Variants in AMPH observed in about 807,000 individuals in gnomAD.
AMPH encodes the protein amphiphysin (Stiff-Mann syndrome with breast cancer 128kD autoantigen).
AMPH carries 49 observed loss-of-function variants against 99.1 expected under a neutral mutation model. That is an observed-to-expected ratio of 0.49 (90% confidence interval 0.39 to 0.63). AMPH has a LOEUF of 0.63. Ranked by LOEUF, AMPH falls within the 20% of genes least tolerant of loss-of-function variation. AMPH has a pLI of 0.00. For missense variants in AMPH, 759 were observed against 863.4 expected (o/e 0.88, Z 1.52); for synonymous variants, 314 against 317.3 (o/e 0.99, Z 0.11).
chr7:38,587,914 C>CTGTGTGTGTGTG (rs200023803), intron 1 of AMPH, among the ~76,000 whole-genome samples: 70 of 126,196 alleles, frequency 5.5e-4, no homozygotes, highest in Admixed American at 1.4e-3. Flanking sequence ...TTATTAATTA[C>CTGTGTGTGTGTG]TGTGTGTGTG....
intron 1 of AMPH, among the ~76,000 whole-genome samples, chr7:38,540,859 G>A (rs1176687235): frequency 1.3e-5 from 2 of 151,556 alleles, no homozygotes; most frequent in Non-Finnish European, 2.9e-5. Flanking sequence ...TGCCTTAGTG[G>A]CATTCATCCA....
At chr7:38,500,565 G>A (rs541671117) in intron 3 of AMPH, among the ~76,000 whole-genome samples, 17 of 152,222 alleles carry the variant, frequency 1.1e-4, no homozygotes, top group Admixed American at 2.0e-4. Flanking sequence ...TAAGCAGCAC[G>A]CTCCACACCA....
chr7:38,452,294 G>A (rs886359559), intron 11 of AMPH, among the ~76,000 whole-genome samples: 22 of 152,222 alleles, frequency 1.4e-4, no homozygotes, highest in Admixed American at 9.2e-4. Context: ...AAATGTAGAC[G>A]GATCATCCTA....
chr7:38,467,322 G>A lies in AMPH; in HGVS notation c.591-1074C>T, dbSNP rs866698148. ...CCTGTATTTGAGGAAGCTAATTAAG[G>A]CAGCAGCTTGACAGGCAAGGAGAGA... On this transcript the variant is annotated intron_variant, in intron 7 of 20. Coordinates refer to ENST00000356264, the MANE Select transcript of AMPH (RefSeq NM_001635.4). Among the ~76,000 whole-genome samples the A allele has an allele frequency of 5.8e-4, 88 of 152,286 alleles. 1 individual carries two copies. Among genetic ancestry groups the A allele is most frequent in the African/African-American group, 2.0e-3 (84 of 41,560 alleles).
chr7:38,413,708 A>G (rs770533989), intron 17 of AMPH, among the ~76,000 whole-genome samples: 24 of 152,318 alleles, frequency 1.6e-4, no homozygotes, highest in South Asian at 2.1e-4. Flanking sequence ...AGAAAAATCC[A>G]TATGTATGTT....
At chr7:38,625,339 T>C (rs936098875) in intron 1 of AMPH, among the ~76,000 whole-genome samples, 8 of 152,160 alleles carry the variant, frequency 5.3e-5, no homozygotes, top group African/African-American at 1.9e-4. Flanking sequence ...GATAAACATT[T>C]GACATATCTG....
At chr7:38,517,726 T>C (rs988855237) in intron 2 of AMPH, among the ~76,000 whole-genome samples, 3 of 152,192 alleles carry the variant, frequency 2.0e-5, no homozygotes, top group Non-Finnish European at 4.4e-5. Context: ...ATGCAATTTA[T>C]AATTCAAAGG....
intron 14 of AMPH, chr7:38,429,296 C>A (rs1345435101): frequency 3.1e-6 from 4 of 1,286,746 alleles, no homozygotes; most frequent in Admixed American, 4.6e-5. Flanking sequence ...GAAAGGCTGG[C>A]CCCGGGGCAT....
intron 1 of AMPH, among the ~76,000 whole-genome samples, chr7:38,551,402 T>G (rs2129046095): frequency 6.6e-6 from 1 of 152,310 alleles, no homozygotes; most frequent in South Asian, 2.1e-4. Flanking sequence ...GAATAGTCAA[T>G]GCTTCTTTCA....
chr7:38,418,000 T>G (rs1465007043), intron 16 of AMPH, 50 bp from the exon 17 acceptor site: 13 of 1,587,090 alleles, frequency 8.2e-6, no homozygotes, highest in Non-Finnish European at 1.1e-5. Context: ...AACAGGTAAA[T>G]AGATAACATT....
At chr7:38,530,531 G>A (rs1584211276) in intron 2 of AMPH, among the ~76,000 whole-genome samples, 1 of 152,138 alleles carries the variant, frequency 6.6e-6, no homozygotes, top group African/African-American at 2.4e-5. Flanking sequence ...CTGGATGAGG[G>A]TGCTCCCACC....
chr7:38,602,367 G>A (rs890726009), intron 1 of AMPH, among the ~76,000 whole-genome samples: 1 of 152,204 alleles, frequency 6.6e-6, no homozygotes, highest in Admixed American at 6.5e-5. Flanking sequence ...TGTTCTGGGG[G>A]TCAGAAGTTT....
intron 11 of AMPH, among the ~76,000 whole-genome samples, chr7:38,442,681 G>T (rs996852336): frequency 2.0e-5 from 3 of 152,076 alleles, no homozygotes; most frequent in Non-Finnish European, 4.4e-5. Context: ...AAAATGTATG[G>T]GATGCTGCTA....
At chr7:38,390,066 T>A (rs905889659) in intron 19 of AMPH, among the ~76,000 whole-genome samples, 161 bp from the exon 20 acceptor site, 6 of 152,226 alleles carry the variant, frequency 3.9e-5, no homozygotes, top group Non-Finnish European at 8.8e-5. Context: ...TATTCTCTGA[T>A]ATGAGGCCAT....
At chr7:38,533,821 A>C (rs1004651042) in intron 2 of AMPH, among the ~76,000 whole-genome samples, 1 of 151,780 alleles carries the variant, frequency 6.6e-6, no homozygotes, top group Non-Finnish European at 1.5e-5. Context: ...TTCCTACCCC[A>C]CCTCTAAGAT....
intron 17 of AMPH, among the ~76,000 whole-genome samples, chr7:38,415,826 C>A (rs1785366213): frequency 6.6e-6 from 1 of 151,926 alleles, no homozygotes; most frequent in South Asian, 2.1e-4. Context: ...GAGCTCTGCA[C>A]CTATGATTCT....
At chr7:38,430,698 G>A (rs1245109879) in intron 13 of AMPH, among the ~76,000 whole-genome samples, 2 of 152,242 alleles carry the variant, frequency 1.3e-5, no homozygotes, top group African/African-American at 2.4e-5. Flanking sequence ...CAAATGACTC[G>A]AACATCAATC....
intron 2 of AMPH, among the ~76,000 whole-genome samples, chr7:38,513,351 G>C (rs962555758): frequency 4.6e-5 from 7 of 152,120 alleles, no homozygotes; most frequent in Non-Finnish European, 8.8e-5. Context: ...CAGCTTTACA[G>C]GGTGATGATT....
intron 1 of AMPH, among the ~76,000 whole-genome samples, chr7:38,601,455 G>A (rs1351516435): frequency 6.6e-6 from 1 of 152,116 alleles, no homozygotes; most frequent in East Asian, 1.9e-4. Context: ...TTTTGTGAAG[G>A]GGCCTTTAAG....
Sources: gnomAD v4.1 joint callset for allele counts (sites outside exome capture counted in the v4.1 genomes callset) on GRCh38, gnomAD v4.1.1 for gene constraint, MANE v1.5 for transcripts, NCBI Gene and HGNC (gene_info 2026-07-23, HGNC 2026-07-21) for gene names.